The following RAP1GAP2 variants were observed in gnomAD, a reference collection of about 807,000 sequenced individuals.
RAP1GAP2 encodes rap1 GTPase-activating protein 2.
RAP1GAP2 carries 27 observed loss-of-function variants against 95.0 expected under a neutral mutation model. That is an observed-to-expected ratio of 0.28 (90% CI 0.21 to 0.39). The LOEUF (loss-of-function observed/expected upper bound fraction) is 0.39. Ranked by LOEUF, RAP1GAP2 falls within the 10% of genes least tolerant of loss-of-function variation. The pLI, the probability that RAP1GAP2 is intolerant of heterozygous loss-of-function variation, is 1.00. For synonymous variants in RAP1GAP2, 373 were observed against 380.9 expected, an observed-to-expected ratio of 0.98 and a Z score of 0.24; for missense variants, 771 against 970.0, an observed-to-expected ratio of 0.79 and a Z score of 2.72.
Position 3,017,795 on chromosome 17 carries a change from G to A in RAP1GAP2, c.1495-266G>A, listed in dbSNP as rs116933538. Among the ~76,000 whole-genome samples, 24 of 152,264 alleles carry A rather than the reference G, an allele frequency of 1.6e-4. No individual in the cohort carries two copies. In the East Asian group the frequency reaches 4.1e-3, roughly 26 times the overall value. On this transcript the variant is annotated intron_variant, in intron 17 of 24. Transcript: ENST00000254695. Reference sequence around the variant, plus strand: ...GTCCACCGTGCAGGGGAGCTGGGGCGCTGACCCCTCAGATTCCCTCCAGCC... The same window carrying A: ...GTCCACCGTGCAGGGGAGCTGGGGCACTGACCCCTCAGATTCCCTCCAGCC...
intron 2 of RAP1GAP2, among the ~76,000 whole-genome samples, chr17:2,836,595 G>A (rs1410982725): frequency 6.6e-6 from 1 of 152,130 alleles, no homozygotes; most frequent in African/African-American, 2.4e-5. Flanking sequence ...TCACGTCACT[G>A]CACTCCAGCC....
At position 2,857,921 on chromosome 17, in the gene RAP1GAP2, A is replaced by G. The variant is rs1385563919; in HGVS notation, c.81-47363A>G. 6.6e-6 allele frequency among the ~76,000 whole-genome samples: 1 copy of G among 152,190 alleles called. No homozygotes were observed. Among genetic ancestry groups the G allele is most frequent in the African/African-American group, 2.4e-5 (1 of 41,454 alleles). ...TGAAAACCACCCTGGCCAACATGGCAAAAACCCATCTCTACTAAAAATGCA... is the reference window on the plus strand; with the variant it reads ...TGAAAACCACCCTGGCCAACATGGCGAAAACCCATCTCTACTAAAAATGCA... On this transcript the variant is annotated intron_variant, in intron 2 of 24. Coordinates refer to ENST00000254695, the MANE Select transcript of RAP1GAP2 (RefSeq NM_015085.5). This position sits in a 1 kb window ranked among gnomAD's most constrained non-coding sequence, Gnocchi z 4.0.
intron 1 of RAP1GAP2, among the ~76,000 whole-genome samples, chr17:2,785,635 C>T (rs995648837): frequency 6.6e-6 from 1 of 152,286 alleles, no homozygotes; most frequent in East Asian, 1.9e-4. Context: ...GACCTTTTCA[C>T]GTGGACCCCT....
chr17:3,014,061 C>T (rs2046665996), intron 17 of RAP1GAP2, among the ~76,000 whole-genome samples: 2 of 151,454 alleles, frequency 1.3e-5, no homozygotes, highest in South Asian at 2.1e-4. Flanking sequence ...CTACGACACA[C>T]GTCGGCTATA....
intron 3 of RAP1GAP2, among the ~76,000 whole-genome samples, chr17:2,939,503 C>G (rs183419094): frequency 6.6e-6 from 1 of 152,312 alleles, no homozygotes; most frequent in Non-Finnish European, 1.5e-5. Context: ...TTTTCTTGCA[C>G]AGAGAGGGCT....
chr17:3,013,627 C>CTTTTTTTTTT (rs71377568), intron 17 of RAP1GAP2, among the ~76,000 whole-genome samples: 22 of 78,918 alleles, frequency 2.8e-4, no homozygotes, highest in South Asian at 1.3e-3. Flanking sequence ...CTTTTCTTTT[C>CTTTTTTTTTT]TTTTCTTTTT....
chr17:3,025,137 G>A (rs563146798), intron 19 of RAP1GAP2, among the ~76,000 whole-genome samples: 12 of 152,300 alleles, frequency 7.9e-5, no homozygotes, highest in African/African-American at 1.2e-4. Flanking sequence ...AGCACTCTGG[G>A]AGCCCGATAC....
intron 9 of RAP1GAP2, 65 bp downstream of exon 9, chr17:2,980,430 G>T: frequency 6.6e-7 from 1 of 1,512,748 alleles, no homozygotes; most frequent in East Asian, 2.3e-5. Context: ...CTCTGGAATG[G>T]GGGTGCAGGT....
intron 1 of RAP1GAP2, among the ~76,000 whole-genome samples, chr17:2,784,963 G>T (rs974305313): frequency 2.0e-5 from 3 of 152,196 alleles, no homozygotes; most frequent in Non-Finnish European, 2.9e-5. Flanking sequence ...TTGAGCTGAG[G>T]GAGCTCTCCG....
chr17:2,774,983 G>A (rs2151438697), upstream of RAP1GAP2, among the ~76,000 whole-genome samples: 1 of 125,180 alleles, frequency 8.0e-6, no homozygotes, highest in East Asian at 3.3e-4. Flanking sequence ...AATATGCCCT[G>A]CTAAATTTTT....
At chr17:3,013,632 CTTTTTTTTTTTTT>C (rs998163717) in intron 17 of RAP1GAP2, among the ~76,000 whole-genome samples, 1 of 78,878 alleles carries the variant, frequency 1.3e-5, no homozygotes, top group Non-Finnish European at 2.2e-5. Flanking sequence ...CTTTTCTTTT[CTTTTTTTTTTTTT>C]TTTTTTTTGG....
chr17:2,759,770 A>G (rs1309157336), intron 1 of RAP1GAP2, among the ~76,000 whole-genome samples: 1 of 152,076 alleles, frequency 6.6e-6, no homozygotes, highest in Non-Finnish European at 1.5e-5. Flanking sequence ...TATTTTTTAT[A>G]GAAGCAGGTT....
chr17:2,887,073 A>G (rs554529856), intron 2 of RAP1GAP2, among the ~76,000 whole-genome samples: 1 of 151,952 alleles, frequency 6.6e-6, no homozygotes, highest in African/African-American at 2.4e-5. Context: ...GACGAATAAT[A>G]GTTTTTTTTT....
chr17:2,967,446 GAT>G (rs2044665143), intron 8 of RAP1GAP2, among the ~76,000 whole-genome samples: 1 of 152,204 alleles, frequency 6.6e-6, no homozygotes, highest in Admixed American at 6.5e-5. Context: ...TGAAGTTGGA[GAT>G]CTAGAAGAAT....
chr17:2,936,295 C>T (rs893120347), intron 3 of RAP1GAP2, among the ~76,000 whole-genome samples: 4 of 124,536 alleles, frequency 3.2e-5, no homozygotes, highest in Admixed American at 1.0e-4. Context: ...TACTATTTGT[C>T]TCGCTGGCCT....
chr17:2,985,258 T>C (rs978250275), intron 11 of RAP1GAP2, among the ~76,000 whole-genome samples, 192 bp downstream of exon 11: 1 of 146,768 alleles, frequency 6.8e-6, no homozygotes, highest in Admixed American at 7.0e-5. Flanking sequence ...CAAAAAGGCC[T>C]GCACGTCCTT....
chr17:2,962,723 G>T lies in RAP1GAP2; in HGVS notation c.246+9G>T. The T allele has an allele frequency of 6.3e-7, 1 of 1,592,732 alleles. No individual in the cohort carries two copies. Among genetic ancestry groups the T allele is most frequent in the Admixed American group, 1.8e-5 (1 of 55,210 alleles). ...GACCCCAGAAGAACAAGGTGGGCTGGGTGGGTGAGGGGGTGGCCAGACGGC... is the reference window on the plus strand; with the variant it reads ...GACCCCAGAAGAACAAGGTGGGCTGTGTGGGTGAGGGGGTGGCCAGACGGC... On this transcript the variant is annotated intron_variant, in intron 5 of 24. Transcript: ENST00000254695.
intron 2 of RAP1GAP2, among the ~76,000 whole-genome samples, chr17:2,835,993 C>T (rs1012704267): frequency 1.3e-5 from 2 of 152,160 alleles, no homozygotes; most frequent in African/African-American, 4.8e-5. Context: ...AGACCGCCCC[C>T]AGCCAGCCAC....
chr17:2,763,086 T>C (rs11656824), intron 1 of RAP1GAP2, among the ~76,000 whole-genome samples: 15,420 of 152,156 alleles, frequency 0.1, 805 homozygotes, highest in Admixed American at 0.12. Flanking sequence ...GGCAAGGTGA[T>C]AGGGAAGATA....
Sources: gnomAD v4.1 joint callset for allele counts (sites outside exome capture counted in the v4.1 genomes callset) on GRCh38, gnomAD v4.1.1 for gene constraint, Gnocchi (gnomAD v3.1) non-coding constraint, MANE v1.5 for transcripts, NCBI Gene and HGNC (gene_info 2026-07-23, HGNC 2026-07-21) for gene names.